The following DOCK2 variants were observed in gnomAD, a reference collection of about 807,000 sequenced individuals.
DOCK2 encodes the protein dedicator of cytokinesis protein 2.
A neutral mutation model predicts 248.9 loss-of-function variants in DOCK2; 87 were observed. The observed-to-expected ratio is 0.35, with a 90% confidence interval of 0.29 to 0.42. The LOEUF is 0.42. Ranked by LOEUF, DOCK2 falls within the 10% of genes least tolerant of loss-of-function variation. DOCK2 has a pLI of 1.00. For missense variants in DOCK2, 1,747 were observed against 2,300.2 expected (o/e 0.76, Z 4.92); for synonymous variants, 805 against 821.6 (o/e 0.98, Z 0.35).
At chr5:169,851,730 G>T (rs561182006) in intron 27 of DOCK2, among the ~76,000 whole-genome samples, 74 of 152,274 alleles carry the variant, frequency 4.9e-4, no homozygotes, top group African/African-American at 1.8e-3. Flanking sequence ...CAATCATGGT[G>T]GAAGGGGAAG....
At chr5:169,854,690 T>C (rs994665325) in intron 27 of DOCK2, among the ~76,000 whole-genome samples, 1 of 152,240 alleles carries the variant, frequency 6.6e-6, no homozygotes, top group African/African-American at 2.4e-5. Flanking sequence ...CCTTGAAATG[T>C]CTCCATTATC....
chr5:170,076,445 A>C (rs551576931), intron 47 of DOCK2, among the ~76,000 whole-genome samples: 1 of 152,298 alleles, frequency 6.6e-6, no homozygotes, highest in African/African-American at 2.4e-5. Flanking sequence ...GGCAGGAAAG[A>C]TTTTTAATCC....
At chr5:169,765,105 C>CA (rs1764702929) in intron 25 of DOCK2, among the ~76,000 whole-genome samples, 4 of 150,878 alleles carry the variant, frequency 2.7e-5, no homozygotes, top group South Asian at 2.1e-4. Flanking sequence ...CACACACACC[C>CA]CACACACAGT....
At chr5:169,776,020 A>G (rs1008320666) in intron 25 of DOCK2, among the ~76,000 whole-genome samples, 2 of 151,962 alleles carry the variant, frequency 1.3e-5, no homozygotes, top group Non-Finnish European at 2.9e-5. Flanking sequence ...TTATCAAAAT[A>G]TTGTGAGTTG....
At chr5:169,668,732 C>T (rs1758867186) in intron 2 of DOCK2, among the ~76,000 whole-genome samples, 1 of 151,592 alleles carries the variant, frequency 6.6e-6, no homozygotes, top group Admixed American at 6.6e-5. Context: ...TCTTAAAATC[C>T]CTGTCCCTTT....
At chr5:169,639,542 G>A (rs140396778) in intron 1 of DOCK2, among the ~76,000 whole-genome samples, 23 of 152,320 alleles carry the variant, frequency 1.5e-4, no homozygotes, top group African/African-American at 5.5e-4. Flanking sequence ...TCCTTGGCAT[G>A]TGACTTCTGC....
rs368041614 is a variant in DOCK2 at position 170,027,999 on chromosome 5, C to T, written c.3467+51C>T. On this transcript the variant is annotated intron_variant, in intron 34 of 51. Coordinates refer to ENST00000520908, the MANE Select transcript of DOCK2 (RefSeq NM_004946.3). ...AACAGCCTGTGAAGGTCAGGTGAGG[C>T]GGGAGGGCTCAGAACTCCAGGGGGC... 7.5e-5 allele frequency: 116 copies of T among 1,543,732 alleles called. 1 individual carries two copies. The highest frequency in any genetic ancestry group is 7.4e-4 in the African/African-American group (54 of 73,162).
At chr5:169,748,362 T>C (rs1215169275) in intron 23 of DOCK2, among the ~76,000 whole-genome samples, 1 of 152,062 alleles carries the variant, frequency 6.6e-6, no homozygotes, top group African/African-American at 2.4e-5. Flanking sequence ...CACGTTAGAA[T>C]TGTGTGGGGA....
At chr5:170,034,922 T>A (rs1756270466) in intron 35 of DOCK2, among the ~76,000 whole-genome samples, 1 of 152,158 alleles carries the variant, frequency 6.6e-6, no homozygotes. Flanking sequence ...GCTAAGGAAA[T>A]GTTCTGAAGT....
chr5:169,883,290 C>A, intron 27 of DOCK2: 1 of 1,551,610 alleles, frequency 6.4e-7, no homozygotes, highest in Non-Finnish European at 8.7e-7. Context: ...CATCTGGAAC[C>A]TGAATGGCAG....
chr5:169,778,657 C>T lies in DOCK2; in HGVS notation c.2554+17032C>T, dbSNP rs939248175. On this transcript the variant is annotated intron_variant, in intron 25 of 51. Coordinates refer to ENST00000520908, the MANE Select transcript of DOCK2 (RefSeq NM_004946.3). Reference sequence around the variant, plus strand: ...TGAGCTACACGAAGGATTGTATATGCGTGTGTGCATTAAAGAATTTGCACA... The same window carrying T: ...TGAGCTACACGAAGGATTGTATATGTGTGTGTGCATTAAAGAATTTGCACA... 4.6e-5 allele frequency among the ~76,000 whole-genome samples: 7 copies of T among 152,126 alleles called. 1 individual carries two copies. In the South Asian group the frequency reaches 8.3e-4, roughly 18 times the overall value.
chr5:170,065,377 A>G (rs1204261771), intron 44 of DOCK2, among the ~76,000 whole-genome samples: 2 of 152,258 alleles, frequency 1.3e-5, no homozygotes, highest in Non-Finnish European at 2.9e-5. Context: ...AACAATGAAC[A>G]GAATGGCATT....
rs183635518 is a variant in DOCK2 at position 169,866,131 on chromosome 5, G to A, written c.2799+25279G>A. On this transcript the variant is annotated intron_variant, in intron 27 of 51. Coordinates refer to ENST00000520908, the MANE Select transcript of DOCK2 (RefSeq NM_004946.3). ...TGTTTTATAGCAAGACTGATGGGGT[G>A]TTAGTTCTTAGGGAGCACTAGGAAA... Among the ~76,000 whole-genome samples the A allele has an allele frequency of 5.8e-3, 886 of 152,248 alleles. 8 individuals are homozygous for A. Among genetic ancestry groups the A allele is most frequent in the African/African-American group, 0.021 (861 of 41,508 alleles).
intron 38 of DOCK2, among the ~76,000 whole-genome samples, chr5:170,043,546 G>T (rs1443452755): frequency 1.3e-5 from 2 of 152,142 alleles, no homozygotes; most frequent in Non-Finnish European, 2.9e-5. Context: ...GTAGTTTATT[G>T]CATCTGTCTT....
intron 30 of DOCK2, among the ~76,000 whole-genome samples, chr5:170,003,176 A>G (rs10042351): frequency 0.34 from 51,837 of 152,092 alleles, 9,183 homozygotes; most frequent in Middle Eastern, 0.4. Context: ...CTTGGTGTCA[A>G]GCCTATAGTG....
Position 169,719,923 on chromosome 5 carries a change from A to G in DOCK2, c.2267+1132A>G, listed in dbSNP as rs1581092005. Among the ~76,000 whole-genome samples the G allele has an allele frequency of 2.0e-5, 3 of 151,666 alleles. No individual in the cohort carries two copies. The East Asian group carries it at 5.8e-4, about 29-fold the overall frequency. ...AACAAAGCAAGACTCTGACTCTTAA[A>G]AAAAAAAAAAAGACCATCATTGTGA... On this transcript the variant is annotated intron_variant, in intron 22 of 51. Transcript: ENST00000520908.
chr5:169,865,487 G>A (rs1038851353), intron 27 of DOCK2, among the ~76,000 whole-genome samples: 4 of 152,202 alleles, frequency 2.6e-5, no homozygotes, highest in African/African-American at 4.8e-5. Flanking sequence ...CAGAAAAAAC[G>A]AATCCTCTTA....
intron 1 of DOCK2, among the ~76,000 whole-genome samples, chr5:169,646,114 C>T (rs551208763): frequency 3.9e-5 from 6 of 152,228 alleles, no homozygotes; most frequent in South Asian, 2.1e-4. Flanking sequence ...AGTTAATTTT[C>T]GTGTAAGATA....
At chr5:169,812,930 C>T (rs1043168543) in intron 26 of DOCK2, among the ~76,000 whole-genome samples, 3 of 152,260 alleles carry the variant, frequency 2.0e-5, no homozygotes, top group Non-Finnish European at 4.4e-5. Flanking sequence ...GGTTTGGAGC[C>T]CTCGCAGTCT....
Sources: gnomAD v4.1 joint callset for allele counts (sites outside exome capture counted in the v4.1 genomes callset) on GRCh38, gnomAD v4.1.1 for gene constraint, MANE v1.5 for transcripts, NCBI Gene and HGNC (gene_info 2026-07-23, HGNC 2026-07-21) for gene names.